PDZRN4: variants seen among roughly 807,000 people sequenced by gnomAD.
PDZRN4 encodes the protein PDZ domain containing ring finger 4.
In PDZRN4, 70 loss-of-function variants were observed where a neutral mutation model predicts 99.0. The observed-to-expected ratio is 0.71, with a 90% CI of 0.58 to 0.86. PDZRN4 has a LOEUF of 0.86. Ranked by LOEUF, PDZRN4 falls within the 40% of genes least tolerant of loss-of-function variation. The pLI is 0.00. For synonymous variants in PDZRN4, 551 were observed against 501.6 expected (o/e 1.10, Z -1.32); for missense variants, 1,474 against 1,331.2 (o/e 1.11, Z -1.67).
intron 3 of PDZRN4, among the ~76,000 whole-genome samples, chr12:41,234,379 G>A (rs1951051424): frequency 6.6e-6 from 1 of 152,114 alleles, no homozygotes. Context: ...AAGTTCAAAT[G>A]TATTTTTCAG....
intron 3 of PDZRN4, among the ~76,000 whole-genome samples, chr12:41,234,925 G>A (rs1951055641): frequency 6.6e-6 from 1 of 152,046 alleles, no homozygotes; most frequent in Non-Finnish European, 1.5e-5. Context: ...GAGGAAGGAT[G>A]CATTCCTGGC....
At chr12:41,310,156 C>CAG (rs1951597138) in intron 3 of PDZRN4, among the ~76,000 whole-genome samples, 1 of 152,120 alleles carries the variant, frequency 6.6e-6, no homozygotes, top group South Asian at 2.1e-4. Flanking sequence ...TGGTCTTGAA[C>CAG]TACTGACCTC....
At chr12:41,548,644 G>A (rs1283945848) in intron 5 of PDZRN4, among the ~76,000 whole-genome samples, 1 of 152,094 alleles carries the variant, frequency 6.6e-6, no homozygotes, top group South Asian at 2.1e-4. Flanking sequence ...TGGGCCTAAG[G>A]GTTCTTTAAA....
chr12:41,463,619 C>G (rs10785269), intron 3 of PDZRN4, among the ~76,000 whole-genome samples: 1 of 151,810 alleles, frequency 6.6e-6, no homozygotes, highest in Non-Finnish European at 1.5e-5. Flanking sequence ...TGTAAAGCAC[C>G]ATAAAATAGA....
chr12:41,227,977 T>C (rs1402882321), intron 3 of PDZRN4, among the ~76,000 whole-genome samples: 2 of 152,060 alleles, frequency 1.3e-5, no homozygotes, highest in African/African-American at 4.8e-5. Flanking sequence ...CTTTCAAAGA[T>C]GTTTACCAGT....
chr12:41,191,354 C>T (rs1950734062), intron 1 of PDZRN4, 104 bp from the exon 2 acceptor site: 2 of 641,846 alleles, frequency 3.1e-6, no homozygotes, highest in South Asian at 1.8e-5. Context: ...AAGTTTTCCT[C>T]TTTTCACATG....
chr12:41,480,921 A>G (rs1410310075), intron 3 of PDZRN4, among the ~76,000 whole-genome samples: 1 of 152,140 alleles, frequency 6.6e-6, no homozygotes, highest in Non-Finnish European at 1.5e-5. Context: ...CTAAAACACT[A>G]CATGTCAGAT....
chr12:41,219,722 G>A (rs1177918429), intron 3 of PDZRN4, among the ~76,000 whole-genome samples: 2 of 152,062 alleles, frequency 1.3e-5, no homozygotes, highest in African/African-American at 4.8e-5. Context: ...GATATGATAT[G>A]AGCTGTGGGT....
chr12:41,277,397 G>A (rs1217715669), intron 3 of PDZRN4, among the ~76,000 whole-genome samples: 5 of 152,178 alleles, frequency 3.3e-5, no homozygotes, highest in African/African-American at 4.8e-5. Flanking sequence ...AGTTCTGGGT[G>A]GATTTGTTAG....
chr12:41,341,140 G>A (rs537083210), intron 3 of PDZRN4, among the ~76,000 whole-genome samples: 1 of 147,018 alleles, frequency 6.8e-6, no homozygotes, highest in Non-Finnish European at 1.5e-5. Context: ...GAAAGCATTT[G>A]ACAACGTTCA....
chr12:41,228,528 A>C (rs1447179764), intron 3 of PDZRN4, among the ~76,000 whole-genome samples: 3 of 152,158 alleles, frequency 2.0e-5, no homozygotes, highest in Non-Finnish European at 4.4e-5. Context: ...TTGCCAAAAA[A>C]AGAAAGTGTA....
intron 3 of PDZRN4, chr12:41,459,831 T>A: frequency 1.6e-6 from 1 of 642,030 alleles, no homozygotes; most frequent in Non-Finnish European, 2.2e-6. Context: ...TCATGTACAT[T>A]CAGGGGTATT....
chr12:41,343,505 C>T (rs528790279), intron 3 of PDZRN4, among the ~76,000 whole-genome samples: 6 of 151,884 alleles, frequency 4.0e-5, no homozygotes, highest in African/African-American at 1.2e-4. Flanking sequence ...TACCTGTATG[C>T]CCAAAACTAT....
At chr12:41,246,241 ATG>A in intron 3 of PDZRN4, among the ~76,000 whole-genome samples, 2 of 152,318 alleles carry the variant, frequency 1.3e-5, no homozygotes, top group South Asian at 4.1e-4. Flanking sequence ...AGCAATGAAT[ATG>A]ATTTTGATTA....
At chr12:41,549,774 T>G (rs1939021284) in intron 5 of PDZRN4, among the ~76,000 whole-genome samples, 1 of 152,184 alleles carries the variant, frequency 6.6e-6, no homozygotes, top group Non-Finnish European at 1.5e-5. Flanking sequence ...GAGTTATCTG[T>G]GAGAGAATGG....
At chr12:41,302,530 C>A (rs904926264) in intron 3 of PDZRN4, among the ~76,000 whole-genome samples, 2 of 152,114 alleles carry the variant, frequency 1.3e-5, no homozygotes, top group African/African-American at 4.8e-5. Flanking sequence ...TATTGAGAAC[C>A]ACATGCTCTT....
At chr12:41,450,932 C>T (rs1014173222) in intron 3 of PDZRN4, among the ~76,000 whole-genome samples, 4 of 151,780 alleles carry the variant, frequency 2.6e-5, no homozygotes, top group African/African-American at 9.7e-5. Context: ...TGTCTCAATA[C>T]AAACAAACAA....
At chr12:41,218,494 T>C (rs73119046) in intron 3 of PDZRN4, among the ~76,000 whole-genome samples, 6,905 of 152,118 alleles carry the variant, frequency 0.045, 166 homozygotes, top group Non-Finnish European at 0.052. Context: ...TGTGCTTTTG[T>C]TTCAAAAAAA....
At chr12:41,286,336 C>CTTTTTTTTTTTTTTTTTTTTTTTT (rs71081721) in intron 3 of PDZRN4, among the ~76,000 whole-genome samples, 1 of 106,298 alleles carries the variant, frequency 9.4e-6, no homozygotes, top group African/African-American at 3.7e-5. Context: ...CCTTCTTCTT[C>CTTTTTTTTTTTTTTTTTTTTTTTT]TTTTTTTTTT....
Sources: allele counts gnomAD v4.1 joint callset (sites outside exome capture counted in the v4.1 genomes callset), GRCh38; gene constraint gnomAD v4.1.1; transcripts MANE v1.5; gene names NCBI Gene and HGNC (gene_info 2026-07-23, HGNC 2026-07-21).